Variants in MRPL13 observed in about 807,000 individuals in gnomAD.
The protein encoded by MRPL13 is large ribosomal subunit protein uL13m.
In MRPL13, 33 loss-of-function variants were observed where a neutral mutation model predicts 29.0. The observed-to-expected ratio is 1.14, with a 90% confidence interval of 0.86 to 1.52. The LOEUF (loss-of-function observed/expected upper bound fraction) is 1.52. Ranked by LOEUF, MRPL13 falls within the 40% of genes most tolerant of loss-of-function variation. The pLI is 0.00. For synonymous variants in MRPL13, 77 were observed against 68.4 expected (o/e 1.13, Z -0.62); for missense variants, 227 against 216.7 (o/e 1.05, Z -0.30).
At chr8:120,429,075 G>C (rs1051652540) in intron 3 of MRPL13, among the ~76,000 whole-genome samples, 3 of 152,046 alleles carry the variant, frequency 2.0e-5, no homozygotes, top group African/African-American at 4.8e-5. Flanking sequence ...ATTCATTATA[G>C]TAAAGACATG....
At chr8:120,439,975 C>A (rs950809956) in intron 2 of MRPL13, among the ~76,000 whole-genome samples, 1 of 152,178 alleles carries the variant, frequency 6.6e-6, no homozygotes, top group African/African-American at 2.4e-5. Flanking sequence ...TGCCAGTATT[C>A]ACTTAACAAA....
At position 120,404,138 on chromosome 8, in the gene MRPL13, C is replaced by A. The variant is rs549653270; in HGVS notation, c.516-8013G>T. ...CAAAGCAGTTCTTAGTAAAGAGACA[C>A]CAGTACATTTTAAGAAACAATTTAT... On this transcript the variant is annotated intron_variant, in intron 6 of 6. Transcript: ENST00000306185. Among the ~76,000 whole-genome samples the A allele has an allele frequency of 2.0e-5, 3 of 152,220 alleles. No individual in the cohort carries two copies. In the South Asian group the frequency reaches 6.2e-4, roughly 32 times the overall value.
rs1812519554 is a variant in MRPL13 at position 120,396,093 on chromosome 8, TTCTTATTC to T, written c.*3_*10del. The T allele has an allele frequency of 6.3e-7, 1 of 1,582,348 alleles. No homozygotes were observed. Among genetic ancestry groups the T allele is most frequent in the Admixed American group, 1.8e-5 (1 of 57,020 alleles). ...ATCACTTCACTGTTATTTTCTGCAA[TTCTTATTC>T]TCTTATAGCCGATAATCTTCAGGTC... On this transcript the variant is annotated 3_prime_UTR_variant, in exon 7 of 7. Coordinates refer to ENST00000306185, the MANE Select transcript of MRPL13 (RefSeq NM_014078.6).
In MRPL13 at chr8:120,436,205, A is replaced by G. The variant is rs377699530; in HGVS notation, c.152-4082T>C. Among the ~76,000 whole-genome samples, 110 of 152,252 alleles carry G rather than the reference A, an allele frequency of 7.2e-4. 1 individual carries two copies. The highest frequency in any genetic ancestry group is 2.5e-3 in the African/African-American group (105 of 41,558). Reference sequence around the variant, plus strand: ...CTGGGATAATGTCCAAGAGAAATGAAACTGCTGTGCTATACAGTAAGCTCA... The same window carrying G: ...CTGGGATAATGTCCAAGAGAAATGAGACTGCTGTGCTATACAGTAAGCTCA... On this transcript the variant is annotated intron_variant, in intron 2 of 6. Coordinates refer to ENST00000306185, the MANE Select transcript of MRPL13 (RefSeq NM_014078.6).
chr8:120,415,119 G>T (rs1348940821), intron 5 of MRPL13: 1 of 152,198 alleles, frequency 6.6e-6, no homozygotes, highest in Non-Finnish European at 1.5e-5. Context: ...GTAACCAAAA[G>T]AATGAACATT....
chr8:120,413,915 G>A (rs1001263521), intron 6 of MRPL13, 76 bp downstream of exon 6: 2 of 1,396,786 alleles, frequency 1.4e-6, no homozygotes, highest in Non-Finnish European at 1.9e-6. Flanking sequence ...CGCCCTCAAG[G>A]ATCTTATTTA....
At chr8:120,443,542 C>T (rs1204352797) in intron 1 of MRPL13, among the ~76,000 whole-genome samples, 1 of 151,700 alleles carries the variant, frequency 6.6e-6, no homozygotes, top group Admixed American at 6.6e-5. Flanking sequence ...ATTATTCCTT[C>T]CTGGTTTCCT....
intron 5 of MRPL13, among the ~76,000 whole-genome samples, chr8:120,417,157 G>T (rs920760738): frequency 6.6e-6 from 1 of 152,116 alleles, no homozygotes; most frequent in Non-Finnish European, 1.5e-5. Context: ...AAGCATTACT[G>T]ACAAGAGGCC....
Position 120,428,364 on chromosome 8 carries a change from A to T in MRPL13, c.246-2998T>A, listed in dbSNP as rs530033188. ...TAACTCAGGATGGATTCCAGACTTAACTGTAAAACCCAAAACTATAAAAAC... is the reference window on the plus strand; with the variant it reads ...TAACTCAGGATGGATTCCAGACTTATCTGTAAAACCCAAAACTATAAAAAC... On this transcript the variant is annotated intron_variant, in intron 3 of 6. Transcript: ENST00000306185. Among the ~76,000 whole-genome samples the T allele has an allele frequency of 9.8e-5, 15 of 152,300 alleles. No individual in the cohort carries two copies. In the South Asian group the frequency reaches 2.9e-3, roughly 29 times the overall value.
intron 4 of MRPL13, among the ~76,000 whole-genome samples, chr8:120,422,428 T>C (rs1265097348): frequency 6.6e-6 from 1 of 151,402 alleles, no homozygotes; most frequent in Non-Finnish European, 1.5e-5. Context: ...GCAATATTGG[T>C]GACTAATGTA....
intron 6 of MRPL13, among the ~76,000 whole-genome samples, chr8:120,398,720 A>G (rs1812550961): frequency 6.6e-6 from 1 of 152,182 alleles, no homozygotes; most frequent in Non-Finnish European, 1.5e-5. Context: ...CTAAAGGAGC[A>G]TGCTGTAACC....
intron 3 of MRPL13, among the ~76,000 whole-genome samples, chr8:120,426,123 A>G (rs1256864487): frequency 6.6e-6 from 1 of 152,134 alleles, no homozygotes; most frequent in African/African-American, 2.4e-5. Context: ...AAATGAAAAA[A>G]TATTTGTGAA....
At chr8:120,403,000 C>A (rs1167647041) in intron 6 of MRPL13, among the ~76,000 whole-genome samples, 1 of 152,148 alleles carries the variant, frequency 6.6e-6, no homozygotes, top group Non-Finnish European at 1.5e-5. Context: ...CCAGAAACAA[C>A]AGATGCTGGC....
chr8:120,426,286 T>C (rs1469004598), intron 3 of MRPL13, among the ~76,000 whole-genome samples: 1 of 152,110 alleles, frequency 6.6e-6, no homozygotes, highest in African/African-American at 2.4e-5. Flanking sequence ...TACCTAAAGG[T>C]GATTTTTTCC....
chr8:120,426,886 A>G (rs1292974617), intron 3 of MRPL13, among the ~76,000 whole-genome samples: 1 of 152,180 alleles, frequency 6.6e-6, no homozygotes, highest in East Asian at 1.9e-4. Flanking sequence ...TGTTGATACA[A>G]CTAGTTGTTA....
At chr8:120,414,665 C>G (rs1812784230) in intron 5 of MRPL13, 1 of 152,194 alleles carries the variant, frequency 6.6e-6, no homozygotes, top group South Asian at 2.1e-4. Flanking sequence ...AGCTCTAACT[C>G]CTTTGCTAAA....
chr8:120,443,401 C>G (rs1183017331), intron 1 of MRPL13, 93 bp from the exon 2 acceptor site: 1 of 1,132,276 alleles, frequency 8.8e-7, no homozygotes, highest in Non-Finnish European at 1.2e-6. Flanking sequence ...TATCATATAT[C>G]ATCACGTTTC....
chr8:120,421,519 T>C (rs905985301), intron 4 of MRPL13, among the ~76,000 whole-genome samples: 9 of 151,902 alleles, frequency 5.9e-5, no homozygotes, highest in African/African-American at 1.9e-4. Flanking sequence ...TTATGTCTAC[T>C]GGCAGAGGCC....
chr8:120,437,993 T>C (rs896331970), intron 2 of MRPL13, among the ~76,000 whole-genome samples: 1 of 152,168 alleles, frequency 6.6e-6, no homozygotes. Flanking sequence ...AAATTGAAAA[T>C]TGTTTGCAAT....
Sources: allele counts gnomAD v4.1 joint callset (sites outside exome capture counted in the v4.1 genomes callset), GRCh38; gene constraint gnomAD v4.1.1; transcripts MANE v1.5; gene names NCBI Gene and HGNC (gene_info 2026-07-23, HGNC 2026-07-21).